The following RNF115 variants were observed in gnomAD, a reference collection of about 807,000 sequenced individuals.
The protein encoded by RNF115 is ring finger protein 115, also known as E3 ubiquitin-protein ligase RNF115.
RNF115 carries 31 observed loss-of-function variants against 39.2 expected under a neutral mutation model. The observed-to-expected ratio is 0.79, with a 90% CI of 0.59 to 1.07. The LOEUF (loss-of-function observed/expected upper bound fraction) is 1.07. Ranked by LOEUF, RNF115 falls within the 50% of genes least tolerant of loss-of-function variation. RNF115 has a pLI of 0.00. For synonymous variants in RNF115, 124 were observed against 131.0 expected (o/e 0.95, Z 0.37); for missense variants, 384 against 381.7 (o/e 1.01, Z -0.05).
At chr1:145,793,236 G>A (rs1553719243) in intron 1 of RNF115, among the ~76,000 whole-genome samples, 2 of 152,216 alleles carry the variant, frequency 1.3e-5, no homozygotes, top group Non-Finnish European at 2.9e-5. Flanking sequence ...AGGATCACTT[G>A]AGCCCAGGAA....
chr1:145,778,676 T>TC (rs1467650956), intron 3 of RNF115, among the ~76,000 whole-genome samples: 3 of 152,158 alleles, frequency 2.0e-5, no homozygotes, highest in Non-Finnish European at 4.4e-5. Flanking sequence ...AATCCTTCCC[T>TC]CCTGCCCCTT....
chr1:145,820,906 A>G (rs1346716277), intron 1 of RNF115, among the ~76,000 whole-genome samples: 2 of 137,908 alleles, frequency 1.5e-5, no homozygotes, highest in African/African-American at 5.4e-5. Flanking sequence ...AATATAGTAT[A>G]CAACTTTTAG....
chr1:145,756,127 A>G (rs1293910444), intron 4 of RNF115, among the ~76,000 whole-genome samples: 4 of 152,200 alleles, frequency 2.6e-5, no homozygotes, highest in African/African-American at 9.7e-5. Context: ...GACTGATTTC[A>G]GATGAAGCCA....
At chr1:145,760,767 G>C (rs1300317831) in intron 4 of RNF115, among the ~76,000 whole-genome samples, 1 of 152,152 alleles carries the variant, frequency 6.6e-6, no homozygotes, top group African/African-American at 2.4e-5. Context: ...CATTGCTGAA[G>C]AGATACCAAA....
intron 1 of RNF115, among the ~76,000 whole-genome samples, chr1:145,794,371 T>C (rs989038390): frequency 3.3e-5 from 5 of 152,142 alleles, no homozygotes; most frequent in East Asian, 1.9e-4. Context: ...CCTCCTTCAG[T>C]GTGTTCCAGC....
At chr1:145,809,289 T>C (rs1280927996) in intron 1 of RNF115, among the ~76,000 whole-genome samples, 1 of 148,920 alleles carries the variant, frequency 6.7e-6, no homozygotes, top group Non-Finnish European at 1.5e-5. Flanking sequence ...TGGGTTCAAG[T>C]GGTTATCCTC....
chr1:145,795,149 AGG>A (rs1477249652), intron 1 of RNF115, among the ~76,000 whole-genome samples: 3 of 151,664 alleles, frequency 2.0e-5, no homozygotes, highest in African/African-American at 7.3e-5. Context: ...AGACCTTCGC[AGG>A]GAGTGTTACA....
intron 3 of RNF115, among the ~76,000 whole-genome samples, chr1:145,782,156 C>T (rs587637667): frequency 6.6e-6 from 1 of 152,184 alleles, no homozygotes; most frequent in African/African-American, 2.4e-5. Flanking sequence ...CCACCTGCCT[C>T]GGCCTCCCAA....
At chr1:145,772,921 TA>T (rs1174512152) in intron 3 of RNF115, 2 of 152,238 alleles carry the variant, frequency 1.3e-5, no homozygotes, top group Non-Finnish European at 2.9e-5. Context: ...CTCTTCAAAC[TA>T]TATAATTTCA....
chr1:145,751,213 T>C (rs183379312), intron 6 of RNF115, among the ~76,000 whole-genome samples: 1 of 152,326 alleles, frequency 6.6e-6, no homozygotes, highest in Admixed American at 6.5e-5. Flanking sequence ...TTTCTTCCTA[T>C]GGAGGTGAAA....
At chr1:145,814,403 G>A (rs1164744145) in intron 1 of RNF115, among the ~76,000 whole-genome samples, 1 of 152,020 alleles carries the variant, frequency 6.6e-6, no homozygotes, top group Non-Finnish European at 1.5e-5. Context: ...CCAACATGGT[G>A]AAACCCTCGT....
At position 145,823,836 on chromosome 1, in the gene RNF115, G is replaced by C; in HGVS notation, c.38C>G (p.Ala13Gly). Reference protein sequence around the residue: ...EASAAGADSGAAVAAHRFFCH... With the variant: ...EASAAGADSGGAVAAHRFFCH... ...GAAAAACCGGTGGGCGGCTACAGCG[G>C]CGCCCGAGTCCGCCCCGGCCGCCGA... The change falls in exon 1 of 9, where the codon GCC (alanine) becomes GGC (glycine). Residue 13 changes from alanine (A) to glycine (G), a missense_variant. Coordinates refer to ENST00000582693, the MANE Select transcript of RNF115 (RefSeq NM_014455.4). The C allele has an allele frequency of 6.3e-7, 1 of 1,579,358 alleles. No homozygotes were observed. Among genetic ancestry groups the C allele is most frequent in the Non-Finnish European group, 8.6e-7 (1 of 1,166,788 alleles).
chr1:145,746,750 T>G lies in RNF115; in HGVS notation c.*116A>C. ...AGAAAAACATTCATTGCATTTATAT[T>G]ATGTGTTGAGTTTCTTACATATTCC... On this transcript the variant is annotated 3_prime_UTR_variant, in exon 9 of 9. Transcript: ENST00000582693. The G allele has an allele frequency of 1.0e-6, 1 of 963,412 alleles. No individual in the cohort carries two copies. Among genetic ancestry groups the G allele is most frequent in the Non-Finnish European group, 1.5e-6 (1 of 653,572 alleles). The allele number at this position is 963,412 out of a possible 1,614,324, so 59.7% of individuals were successfully genotyped here. A position where few individuals can be genotyped will look rare whatever the true frequency, so the allele number is the denominator to read the frequency against.
At chr1:145,775,324 TAAC>T (rs1435442991) in intron 3 of RNF115, among the ~76,000 whole-genome samples, 5 of 151,832 alleles carry the variant, frequency 3.3e-5, no homozygotes, top group Non-Finnish European at 4.4e-5. Context: ...AGTAAGAAAT[TAAC>T]AACAATAACT....
chr1:145,784,879 G>A (rs587699049), intron 2 of RNF115, among the ~76,000 whole-genome samples: 4 of 152,130 alleles, frequency 2.6e-5, no homozygotes, highest in Non-Finnish European at 4.4e-5. Context: ...AATGCAATTC[G>A]GATTTGACCT....
At position 145,741,144 on chromosome 1, in the gene RNF115, CTAA is replaced by C. The variant is rs2101429898; in HGVS notation, c.*5719_*5721del. 1 of 152,178 alleles carries C rather than the reference CTAA, an allele frequency of 6.6e-6. No individual in the cohort carries two copies. The highest frequency in any genetic ancestry group is 1.5e-5 in the Non-Finnish European group (1 of 67,974). 9.4% of individuals were successfully genotyped at this position (152,178 alleles called of 1,614,324 possible). A position where few individuals can be genotyped will look rare whatever the true frequency, so the allele number is the denominator to read the frequency against. ...TGAGCCACAATGCCCAGCCAAGAAT[CTAA>C]TAATTTTTGGATCTTGAAAATTGTA... On this transcript the variant is annotated 3_prime_UTR_variant, in exon 9 of 9. Coordinates refer to ENST00000582693, the MANE Select transcript of RNF115 (RefSeq NM_014455.4).
At chr1:145,779,189 T>C (rs1459857572) in intron 3 of RNF115, among the ~76,000 whole-genome samples, 2 of 151,844 alleles carry the variant, frequency 1.3e-5, no homozygotes, top group East Asian at 3.9e-4. Flanking sequence ...TTTTTTTTTT[T>C]TTGGAGACAG....
At chr1:145,784,321 G>A (rs1334256754) in intron 3 of RNF115, among the ~76,000 whole-genome samples, 4 of 152,156 alleles carry the variant, frequency 2.6e-5, no homozygotes, top group African/African-American at 7.2e-5. Flanking sequence ...TACAGTTTGA[G>A]GCTATTACTT....
At chr1:145,815,390 A>G in intron 1 of RNF115, among the ~76,000 whole-genome samples, 1 of 152,386 alleles carries the variant, frequency 6.6e-6, no homozygotes, top group East Asian at 1.9e-4. Flanking sequence ...AAAATACTTA[A>G]GAACCACCCT....
Sources: gnomAD v4.1 joint callset for allele counts (sites outside exome capture counted in the v4.1 genomes callset) on GRCh38, gnomAD v4.1.1 for gene constraint, MANE v1.5 for transcripts, NCBI Gene and HGNC (gene_info 2026-07-23, HGNC 2026-07-21) for gene names.